Variants in SHISA9 observed in about 807,000 individuals in gnomAD.
SHISA9 encodes the protein shisa family member 9.
Under a neutral mutation model 38.0 loss-of-function variants are expected in SHISA9, and 13 were observed. That is an observed-to-expected ratio of 0.34 (90% confidence interval 0.22 to 0.54). The LOEUF (loss-of-function observed/expected upper bound fraction) is 0.54. Ranked by LOEUF, SHISA9 falls within the 20% of genes least tolerant of loss-of-function variation. SHISA9 has a pLI of 0.91. For synonymous variants in SHISA9, 275 were observed against 242.0 expected (o/e 1.14, Z -1.27); for missense variants, 538 against 575.8 (o/e 0.93, Z 0.67).
At chr16:13,387,580 C>T in the SHISA9 span, among the ~76,000 whole-genome samples, 2 of 151,958 alleles carry the variant, frequency 1.3e-5, no homozygotes, top group Admixed American at 1.3e-4. Context: ...ACCCTCGCCT[C>T]CTGGGTTCAA....
At chr16:13,288,898 T>A in the SHISA9 span, among the ~76,000 whole-genome samples, 3 of 152,190 alleles carry the variant, frequency 2.0e-5, no homozygotes, top group Non-Finnish European at 2.9e-5. Flanking sequence ...ATTACTTCCT[T>A]AAAGACCCCA....
At chr16:12,923,744 G>C (rs1252112179) in intron 2 of SHISA9, among the ~76,000 whole-genome samples, 6 of 152,022 alleles carry the variant, frequency 3.9e-5, no homozygotes. Context: ...GGGAGGCTGA[G>C]GCAGGAGAAT....
chr16:13,380,321 T>TC, the SHISA9 span, among the ~76,000 whole-genome samples: 1 of 152,166 alleles, frequency 6.6e-6, no homozygotes, highest in African/African-American at 2.4e-5. Context: ...TCAGGATGTA[T>TC]CATCATCACA....
chr16:13,504,188 A>G, the SHISA9 span, among the ~76,000 whole-genome samples: 1 of 152,140 alleles, frequency 6.6e-6, no homozygotes, highest in Non-Finnish European at 1.5e-5. Flanking sequence ...TGGAGTTTTG[A>G]TGAGGAGTTG....
At chr16:12,940,357 A>G (rs1331878025) in intron 2 of SHISA9, among the ~76,000 whole-genome samples, 17 of 152,030 alleles carry the variant, frequency 1.1e-4, no homozygotes, top group Admixed American at 1.1e-3. Flanking sequence ...GGCATGCCTG[A>G]ACTTGCTACA....
In SHISA9 at chr16:12,916,014, T is replaced by G. The variant is rs1214925742; in HGVS notation, c.564-674T>G. Among the ~76,000 whole-genome samples, 9 of 127,352 alleles carry G rather than the reference T, an allele frequency of 7.1e-5. No homozygotes were observed. In the East Asian group the frequency reaches 8.7e-4, roughly 12 times the overall value. 83.5% of individuals were successfully genotyped at this position (127,352 alleles called of 152,430 possible). Reference sequence around the variant, plus strand: ...TTTTTTTTGTGTGTGTGTGTGTGTTTTTTTTTTTTTTTTTTTGCTAAGTTT... The same window carrying G: ...TTTTTTTTGTGTGTGTGTGTGTGTTGTTTTTTTTTTTTTTTTGCTAAGTTT... On this transcript the variant is annotated intron_variant, in intron 1 of 4. Transcript: ENST00000558583.
At chr16:13,471,225 C>G in the SHISA9 span, among the ~76,000 whole-genome samples, 45,982 of 151,908 alleles carry the variant, frequency 0.3, 7,198 homozygotes, top group East Asian at 0.39. Context: ...GCTGACAGTG[C>G]AGCATGGAAC....
chr16:13,403,260 A>C, the SHISA9 span, among the ~76,000 whole-genome samples: 1 of 152,218 alleles, frequency 6.6e-6, no homozygotes, highest in South Asian at 2.1e-4. Context: ...CCCTATGTCT[A>C]TTTCCTCAGA....
At chr16:12,977,258 T>G (rs192842910) in intron 2 of SHISA9, among the ~76,000 whole-genome samples, 1 of 152,244 alleles carries the variant, frequency 6.6e-6, no homozygotes, top group Non-Finnish European at 1.5e-5. Flanking sequence ...AAATGGCCCT[T>G]GCTCTCAGGG....
At chr16:12,975,840 A>G (rs1386552666) in intron 2 of SHISA9, among the ~76,000 whole-genome samples, 3 of 151,994 alleles carry the variant, frequency 2.0e-5, no homozygotes, top group African/African-American at 7.3e-5. Context: ...GGCCTGAGTG[A>G]TAAAGAAGGA....
the SHISA9 span, among the ~76,000 whole-genome samples, chr16:13,538,020 T>C: frequency 6.6e-6 from 1 of 152,228 alleles, no homozygotes; most frequent in Admixed American, 6.5e-5. Context: ...TTTAAAAATA[T>C]GTTAGACTGT....
intron 2 of SHISA9, among the ~76,000 whole-genome samples, chr16:13,143,797 T>C (rs2050423430): frequency 6.6e-6 from 1 of 152,194 alleles, no homozygotes. Context: ...GAGTGACTCA[T>C]AAGGACCAAT....
intron 2 of SHISA9, among the ~76,000 whole-genome samples, chr16:12,991,849 T>A (rs1417656916): frequency 1.3e-5 from 2 of 152,076 alleles, no homozygotes; most frequent in African/African-American, 2.4e-5. Context: ...CTTTTAATAG[T>A]CATGCATTTA....
chr16:13,121,597 A>T (rs957513849), intron 2 of SHISA9, among the ~76,000 whole-genome samples: 13 of 152,278 alleles, frequency 8.5e-5, no homozygotes, highest in African/African-American at 2.9e-4. Flanking sequence ...TCAAAACTCT[A>T]ATAAGCAGTC....
chr16:12,976,356 G>A (rs554676251), intron 2 of SHISA9, among the ~76,000 whole-genome samples: 18 of 152,246 alleles, frequency 1.2e-4, no homozygotes, highest in Admixed American at 3.9e-4. Context: ...CTCCCAAAGC[G>A]TTGGGATTAC....
chr16:13,513,664 G>T, the SHISA9 span, among the ~76,000 whole-genome samples: 1 of 152,178 alleles, frequency 6.6e-6, no homozygotes, highest in Non-Finnish European at 1.5e-5. Context: ...CTGTAAAAAA[G>T]AATGAGATCA....
the SHISA9 span, among the ~76,000 whole-genome samples, chr16:13,287,657 G>T: frequency 6.6e-6 from 1 of 152,158 alleles, no homozygotes; most frequent in Non-Finnish European, 1.5e-5. Context: ...TCTTTTATTT[G>T]TGCTGGCTTT....
chr16:13,168,946 T>C (rs2050661772), intron 2 of SHISA9, among the ~76,000 whole-genome samples: 2 of 152,220 alleles, frequency 1.3e-5, no homozygotes, highest in Admixed American at 6.5e-5. Flanking sequence ...AACACTTTGC[T>C]CAGTGAGTGA....
chr16:13,218,716 A>G (rs1041356341), intron 4 of SHISA9, among the ~76,000 whole-genome samples: 7 of 152,348 alleles, frequency 4.6e-5, no homozygotes, highest in African/African-American at 1.7e-4. Flanking sequence ...ACCAGTGTCT[A>G]GCCCATAGTA....
Sources: gnomAD v4.1 joint callset for allele counts (sites outside exome capture counted in the v4.1 genomes callset) on GRCh38, gnomAD v4.1.1 for gene constraint, MANE v1.5 for transcripts, NCBI Gene and HGNC (gene_info 2026-07-23, HGNC 2026-07-21) for gene names.